Variants in CNTLN observed in about 807,000 individuals in gnomAD.
CNTLN encodes centlein.
A neutral mutation model predicts 180.0 loss-of-function variants in CNTLN; 212 were observed. The observed-to-expected ratio is 1.18, with a 90% CI of 1.05 to 1.32. The LOEUF is 1.32. CNTLN is among the 40% of genes most tolerant of loss of function. CNTLN has a pLI of 0.00. For synonymous variants in CNTLN, 722 were observed against 563.1 expected, an observed-to-expected ratio of 1.28 and a Z score of -3.99; for missense variants, 2,095 against 1,610.9, an observed-to-expected ratio of 1.30 and a Z score of -5.14.
intron 23 of CNTLN, among the ~76,000 whole-genome samples, chr9:17,480,502 G>A (rs1832587705): frequency 6.6e-6 from 1 of 152,126 alleles, no homozygotes; most frequent in Non-Finnish European, 1.5e-5. Context: ...TTACTGTCCT[G>A]CAGTATATTT....
intron 6 of CNTLN, among the ~76,000 whole-genome samples, chr9:17,284,990 T>C (rs934007890): frequency 4.8e-5 from 7 of 146,296 alleles, no homozygotes; most frequent in Admixed American, 4.1e-4. Flanking sequence ...AACTTCTTGA[T>C]TTCTGCCTTA....
At chr9:17,190,800 G>A (rs893439338) in intron 2 of CNTLN, among the ~76,000 whole-genome samples, 8 of 152,148 alleles carry the variant, frequency 5.3e-5, no homozygotes, top group African/African-American at 1.7e-4. Context: ...GAAGAGTGAG[G>A]CTGTAGGAAA....
chr9:17,222,160 C>T (rs1472922670), intron 2 of CNTLN, among the ~76,000 whole-genome samples: 4 of 151,916 alleles, frequency 2.6e-5, no homozygotes, highest in Non-Finnish European at 5.9e-5. Context: ...CTCATATTTC[C>T]CTTGAACTAT....
At chr9:17,239,806 A>T (rs1825379058) in intron 5 of CNTLN, among the ~76,000 whole-genome samples, 1 of 152,100 alleles carries the variant, frequency 6.6e-6, no homozygotes, top group Non-Finnish European at 1.5e-5. Context: ...TTTGGACCTC[A>T]GTTCTGTTTA....
At chr9:17,501,859 C>T (rs1833768155) in intron 25 of CNTLN, among the ~76,000 whole-genome samples, 1 of 152,152 alleles carries the variant, frequency 6.6e-6, no homozygotes, top group African/African-American at 2.4e-5. Flanking sequence ...TTACTTACCA[C>T]CTATAACTGT....
chr9:17,486,673 A>T (rs374747639), intron 24 of CNTLN, among the ~76,000 whole-genome samples: 3 of 152,052 alleles, frequency 2.0e-5, no homozygotes, highest in Admixed American at 2.0e-4. Context: ...ATTCTTTTAT[A>T]TAACTCCATC....
intron 15 of CNTLN, among the ~76,000 whole-genome samples, chr9:17,401,185 T>G (rs1334585185): frequency 6.6e-6 from 1 of 152,208 alleles, no homozygotes; most frequent in African/African-American, 2.4e-5. Context: ...GTTAGTCTCT[T>G]GACACAGTAT....
chr9:17,149,517 T>C (rs1049114521), intron 2 of CNTLN, among the ~76,000 whole-genome samples: 12 of 142,666 alleles, frequency 8.4e-5, no homozygotes, highest in Non-Finnish European at 1.8e-4. Context: ...TCTTTCTTTT[T>C]TTTTTTTTTT....
chr9:17,344,847 T>C (rs1328605389), intron 12 of CNTLN, among the ~76,000 whole-genome samples: 5 of 152,098 alleles, frequency 3.3e-5, no homozygotes, highest in Non-Finnish European at 5.9e-5. Context: ...GTATGCAAAA[T>C]AGTTCTATCA....
intron 13 of CNTLN, among the ~76,000 whole-genome samples, chr9:17,376,644 G>C (rs547951029): frequency 1.4e-4 from 21 of 151,882 alleles, no homozygotes; most frequent in Admixed American, 2.6e-4. Context: ...GTAGAGACGG[G>C]GTTTCACCAT....
intron 5 of CNTLN, among the ~76,000 whole-genome samples, chr9:17,236,991 TAAAC>T (rs1322070400): frequency 6.6e-6 from 1 of 152,120 alleles, no homozygotes; most frequent in African/African-American, 2.4e-5. Flanking sequence ...ACTAAACAGT[TAAAC>T]AATACAAATA....
chr9:17,324,923 T>C (rs527676701), intron 8 of CNTLN, among the ~76,000 whole-genome samples: 11 of 152,116 alleles, frequency 7.2e-5, no homozygotes, highest in Admixed American at 6.5e-4. Flanking sequence ...AGTCAATAAT[T>C]TAATTTTATT....
intron 2 of CNTLN, among the ~76,000 whole-genome samples, chr9:17,187,866 A>C (rs1563861232): frequency 6.6e-6 from 1 of 151,566 alleles, no homozygotes; most frequent in Admixed American, 6.6e-5. Flanking sequence ...GAAGCAGTTT[A>C]TGAGACCTTT....
intron 25 of CNTLN, among the ~76,000 whole-genome samples, 161 bp from the exon 26 acceptor site, chr9:17,502,390 C>T (rs775821654): frequency 2.8e-4 from 42 of 152,110 alleles, no homozygotes; most frequent in Non-Finnish European, 4.3e-4. Context: ...CAAAATTACC[C>T]ACACTAACCA....
intron 24 of CNTLN, 89 bp downstream of exon 24, chr9:17,484,569 T>A: frequency 9.2e-7 from 1 of 1,084,432 alleles, no homozygotes; most frequent in Non-Finnish European, 1.3e-6. Flanking sequence ...CTCTTAGAAT[T>A]TCATCTTTAA....
At chr9:17,305,229 A>G (rs1482722981) in intron 7 of CNTLN, among the ~76,000 whole-genome samples, 1 of 152,188 alleles carries the variant, frequency 6.6e-6, no homozygotes, top group African/African-American at 2.4e-5. Context: ...AACAGAAAAT[A>G]GCATGAAGAA....
intron 2 of CNTLN, among the ~76,000 whole-genome samples, chr9:17,143,655 G>A (rs1174723720): frequency 6.6e-6 from 1 of 152,132 alleles, no homozygotes; most frequent in Non-Finnish European, 1.5e-5. Context: ...GTCTTGAGCT[G>A]TTACAGTTCA....
At chr9:17,273,950 C>T (rs1419274280) in intron 6 of CNTLN, 84 bp downstream of exon 6, 4 of 1,008,028 alleles carry the variant, frequency 4.0e-6, no homozygotes, top group Non-Finnish European at 5.8e-6. Context: ...ATTACTAACA[C>T]CCTAAAATAA....
intron 18 of CNTLN, among the ~76,000 whole-genome samples, chr9:17,442,328 A>C (rs1302814382): frequency 2.0e-5 from 3 of 152,244 alleles, no homozygotes; most frequent in Non-Finnish European, 4.4e-5. Flanking sequence ...TTTTCTGATC[A>C]TAATGGTATG....
Sources: allele counts gnomAD v4.1 joint callset (sites outside exome capture counted in the v4.1 genomes callset), GRCh38; gene constraint gnomAD v4.1.1; transcripts MANE v1.5; gene names NCBI Gene and HGNC (gene_info 2026-07-23, HGNC 2026-07-21).